Variants in NOL10 observed in about 807,000 individuals in gnomAD.
The protein encoded by NOL10 is H_NH0074G24.1.
NOL10 carries 58 observed loss-of-function variants against 103.5 expected under a neutral mutation model. The ratio of observed to expected loss-of-function variants is 0.56; its 90% CI spans 0.45 to 0.70. The LOEUF (loss-of-function observed/expected upper bound fraction) is 0.70, where lower values mean the gene tolerates loss of function less well. Among genes scored for constraint, NOL10 ranks in the 30% least tolerant of loss-of-function variants. The pLI, the probability that NOL10 is intolerant of heterozygous loss-of-function variation, is 0.00. For missense variants in NOL10, 763 were observed against 807.3 expected (o/e 0.95, Z 0.67); for synonymous variants, 287 against 282.5 (o/e 1.02, Z -0.16).
At chr2:10,595,437 T>C (rs1433240251) in intron 17 of NOL10, among the ~76,000 whole-genome samples, 1 of 152,150 alleles carries the variant, frequency 6.6e-6, no homozygotes, top group African/African-American at 2.4e-5. Flanking sequence ...CCTGAGTAGC[T>C]GGGACCACAG....
chr2:10,597,289 C>T (rs1675742274), intron 17 of NOL10, among the ~76,000 whole-genome samples: 3 of 152,126 alleles, frequency 2.0e-5, no homozygotes, highest in Admixed American at 2.0e-4. Context: ...TTCTCAGTGG[C>T]AGCAATATTT....
intron 14 of NOL10, among the ~76,000 whole-genome samples, chr2:10,604,169 C>G (rs4555318): frequency 0.59 from 89,999 of 152,064 alleles, 27,653 homozygotes; most frequent in African/African-American, 0.74. Context: ...GGCAGTCATG[C>G]TCACTTACCA....
intron 13 of NOL10, among the ~76,000 whole-genome samples, chr2:10,627,710 AAAC>A (rs1349874403): frequency 7.3e-5 from 11 of 150,582 alleles, no homozygotes; most frequent in East Asian, 2.0e-4. Context: ...AAAAAAAAAC[AAAC>A]AACAACAACA....
chr2:10,670,124 C>A (rs1223432320), intron 6 of NOL10, among the ~76,000 whole-genome samples: 1 of 152,006 alleles, frequency 6.6e-6, no homozygotes, highest in Non-Finnish European at 1.5e-5. Flanking sequence ...GGCTAAGAAA[C>A]TGACTTTATC....
intron 13 of NOL10, among the ~76,000 whole-genome samples, chr2:10,609,431 C>CAAAAA (rs60104799): frequency 9.0e-6 from 1 of 111,584 alleles, no homozygotes; most frequent in African/African-American, 3.7e-5. Context: ...ACTAAAAATA[C>CAAAAA]AAAAAAAAAA....
intron 9 of NOL10, 61 bp downstream of exon 9, chr2:10,662,897 TA>T: frequency 1.7e-6 from 2 of 1,193,808 alleles, no homozygotes; most frequent in South Asian, 1.3e-5. Context: ...GAATTTAATA[TA>T]GACACATTAC....
chr2:10,677,557 A>G (rs180882844), intron 3 of NOL10, among the ~76,000 whole-genome samples: 581 of 151,846 alleles, frequency 3.8e-3, no homozygotes, highest in Non-Finnish European at 6.5e-3. Context: ...TGCAACCTCA[A>G]CCGCCCTGGG....
intron 12 of NOL10, among the ~76,000 whole-genome samples, chr2:10,644,932 T>A (rs536954621): frequency 6.6e-6 from 1 of 152,228 alleles, no homozygotes; most frequent in African/African-American, 2.4e-5. Context: ...TTTTGCAACA[T>A]ACTCCTTCCC....
rs1166783304 is a variant in NOL10, at chr2:10,587,088, CAT to C, written c.1844+1953_1844+1954del. Among the ~76,000 whole-genome samples, 83 of 32,426 alleles carry C rather than the reference CAT, an allele frequency of 2.6e-3. 19 individuals carry two copies. Among genetic ancestry groups the C allele is most frequent in the African/African-American group, 4.2e-3 (38 of 9,008 alleles). 21.3% of individuals were successfully genotyped at this position (32,426 alleles called of 152,430 possible). ...ATATACATATATATACATATATATA[CAT>C]ATATATACACATATATATACATATA... On this transcript the variant is annotated intron_variant, in intron 19 of 20. Transcript: ENST00000381685.
intron 13 of NOL10, among the ~76,000 whole-genome samples, chr2:10,623,906 C>T (rs1311492204): frequency 2.6e-5 from 4 of 152,140 alleles, no homozygotes; most frequent in Non-Finnish European, 5.9e-5. Context: ...CAAATGCTGA[C>T]GAGCATGTGG....
intron 13 of NOL10, among the ~76,000 whole-genome samples, chr2:10,628,561 C>G (rs1263402007): frequency 6.6e-6 from 1 of 152,048 alleles, no homozygotes; most frequent in Admixed American, 6.6e-5. Flanking sequence ...GGTTTAATCT[C>G]TTATATAAAG....
chr2:10,654,569 G>C, intron 11 of NOL10, 22 bp from the exon 12 acceptor site: 1 of 1,542,338 alleles, frequency 6.5e-7, no homozygotes. Flanking sequence ...AAGCAAAAAC[G>C]AAGTATTAAA....
chr2:10,608,442 A>G (rs1439891390), intron 13 of NOL10, among the ~76,000 whole-genome samples: 1 of 152,222 alleles, frequency 6.6e-6, no homozygotes, highest in African/African-American at 2.4e-5. Flanking sequence ...ACACCCGCTG[A>G]GGTCAATGTA....
At chr2:10,650,561 A>G (rs894052564) in intron 12 of NOL10, among the ~76,000 whole-genome samples, 1 of 152,126 alleles carries the variant, frequency 6.6e-6, no homozygotes, top group African/African-American at 2.4e-5. Flanking sequence ...TACAATTTTT[A>G]TGCCATTTTA....
At chr2:10,664,916 T>C (rs1233640868) in intron 8 of NOL10, among the ~76,000 whole-genome samples, 1 of 143,220 alleles carries the variant, frequency 7.0e-6, no homozygotes, top group South Asian at 2.1e-4. Context: ...AGTATTTACC[T>C]AAGGAAACAG....
chr2:10,611,934 C>CAAAACAAAAACA (rs561568151), intron 13 of NOL10, among the ~76,000 whole-genome samples: 1 of 151,522 alleles, frequency 6.6e-6, no homozygotes, highest in Admixed American at 6.6e-5. Context: ...AAAAACAAAA[C>CAAAACAAAAACA]AAAACAAAAA....
chr2:10,578,689 C>T (rs1674599003), intron 19 of NOL10, among the ~76,000 whole-genome samples: 1 of 152,178 alleles, frequency 6.6e-6, no homozygotes, highest in Non-Finnish European at 1.5e-5. Context: ...AACTAGAACA[C>T]TGGCCCTTTT....
intron 14 of NOL10, among the ~76,000 whole-genome samples, chr2:10,605,543 T>C (rs1676207555): frequency 6.6e-6 from 1 of 152,226 alleles, no homozygotes; most frequent in Non-Finnish European, 1.5e-5. Context: ...GTTTTAAAAA[T>C]GAGCAGTACA....
In NOL10 at chr2:10,587,244, C is replaced by T. The variant is rs79520083; in HGVS notation, c.1844+1799G>A. ...ATATATATACATATATATATACATA[C>T]ATATATATATATACACATATATATA... On this transcript the variant is annotated intron_variant, in intron 19 of 20. Coordinates refer to ENST00000381685, the MANE Select transcript of NOL10 (RefSeq NM_024894.4). Among the ~76,000 whole-genome samples the T allele has an allele frequency of 5.1e-3, 134 of 26,210 alleles. 19 individuals carry two copies. The highest frequency in any genetic ancestry group is 7.9e-3 in the Admixed American group (18 of 2,290). The allele number at this position is 26,210 out of a possible 152,430, so 17.2% of individuals were successfully genotyped here. A position where few individuals can be genotyped will look rare whatever the true frequency, so the allele number is the denominator to read the frequency against.
Sources: gnomAD v4.1 joint callset for allele counts (sites outside exome capture counted in the v4.1 genomes callset) on GRCh38, gnomAD v4.1.1 for gene constraint, MANE v1.5 for transcripts, NCBI Gene and HGNC (gene_info 2026-07-23, HGNC 2026-07-21) for gene names.